ADH1C: variants seen among roughly 807,000 people sequenced by gnomAD.
ADH1C encodes alcohol dehydrogenase 1C.
In ADH1C, 26 loss-of-function variants were observed where a neutral mutation model predicts 35.0. The observed-to-expected ratio is 0.74, with a 90% CI of 0.54 to 1.03. The LOEUF is 1.03. Among genes scored for constraint, ADH1C ranks in the 50% least tolerant of loss-of-function variants. ADH1C has a pLI of 0.00. For synonymous variants in ADH1C, 170 were observed against 169.3 expected, an observed-to-expected ratio of 1.00 and a Z score of -0.03; for missense variants, 413 against 465.4, an observed-to-expected ratio of 0.89 and a Z score of 1.04.
intron 3 of ADH1C, among the ~76,000 whole-genome samples, chr4:99,346,790 C>T (rs965801550): frequency 2.0e-5 from 3 of 151,994 alleles, no homozygotes; most frequent in African/African-American, 4.8e-5. Context: ...TCTAGTAGTA[C>T]ATAATGGTTG....
At position 99,342,749 on chromosome 4, in the gene ADH1C, T is replaced by A. The variant is rs191149324; in HGVS notation, c.828+46A>T. On this transcript the variant is annotated intron_variant, in intron 6 of 8. Coordinates refer to ENST00000515683, the MANE Select transcript of ADH1C (RefSeq NM_000669.5). The stretch of plus-strand genomic sequence containing the variant: ...TATATTCTACTGCCTAAATGCATCC[T>A]CCAGGTTGCAGAGGCAGAAATTTCA... 3.7e-6 allele frequency: 6 copies of A among 1,612,866 alleles called. No homozygotes were observed. The Admixed American group carries it at 8.3e-5, about 22-fold the overall frequency.
At chr4:99,346,694 G>A (rs951793339) in intron 3 of ADH1C, among the ~76,000 whole-genome samples, 3 of 152,202 alleles carry the variant, frequency 2.0e-5, no homozygotes, top group African/African-American at 7.2e-5. Context: ...TAACGTGGAA[G>A]TTACTAGATT....
chr4:99,338,430 T>TATATATATAC (rs1560535494), intron 8 of ADH1C, among the ~76,000 whole-genome samples: 28 of 80,680 alleles, frequency 3.5e-4, no homozygotes, highest in Non-Finnish European at 5.6e-4. Context: ...TATATATATA[T>TATATATATAC]ATATATATAT....
chr4:99,337,357 A>G (rs1170651339), intron 8 of ADH1C, among the ~76,000 whole-genome samples: 4 of 152,082 alleles, frequency 2.6e-5, no homozygotes, highest in African/African-American at 9.7e-5. Context: ...AAGAACTGAT[A>G]ATTTAATAAA....
rs1734505274 is a variant in ADH1C, at chr4:99,345,246, A to C, written c.280T>G (p.Phe94Val). The C allele has an allele frequency of 6.2e-7, 1 of 1,613,906 alleles. No homozygotes were observed. The highest frequency in any genetic ancestry group is 1.3e-5 in the African/African-American group (1 of 74,946). ...CTGCATTTTCCACACTGAGGAGTAA[A>C]GAGCGGGATGACTTTATCACCTGCA... is the stretch of plus-strand genomic sequence containing the variant. ...VKPGDKVIPL[F>V]TPQCGKCRIC... Residue 94 changes from phenylalanine (F) to valine (V), a missense_variant, in exon 4 of 9, where the codon TTT becomes GTT. By Grantham distance (50) the Phe-to-Val change is conservative. Coordinates refer to ENST00000515683, the MANE Select transcript of ADH1C (RefSeq NM_000669.5).
rs571261376 is a variant in ADH1C at position 99,344,760 on chromosome 4, C to T, written c.567+102G>A. 3.1e-4 allele frequency: 460 copies of T among 1,486,824 alleles called. 1 individual carries two copies. The highest frequency in any genetic ancestry group is 4.9e-5 in the Non-Finnish European group (53 of 1,084,176). 92.1% of individuals were successfully genotyped at this position (1,486,824 alleles called of 1,614,324 possible). On this transcript the variant is annotated intron_variant, in intron 5 of 8. Coordinates refer to ENST00000515683, the MANE Select transcript of ADH1C (RefSeq NM_000669.5). ...ATTTTTCTACTCTTAATCGACACTTCAAATCTACAAAAATAATTTCTGATT... is the reference window on the plus strand; with the variant it reads ...ATTTTTCTACTCTTAATCGACACTTTAAATCTACAAAAATAATTTCTGATT...
chr4:99,336,880 G>A, intron 8 of ADH1C, 104 bp from the exon 9 acceptor site: 5 of 1,510,964 alleles, frequency 3.3e-6, no homozygotes, highest in Non-Finnish European at 4.6e-6. Context: ...AAATCTCTCT[G>A]TGTTCTCAGC....
chr4:99,352,454 G>C (rs1228017321), intron 1 of ADH1C, among the ~76,000 whole-genome samples: 2 of 151,952 alleles, frequency 1.3e-5, no homozygotes, highest in African/African-American at 2.4e-5. Context: ...TTCCACTGTA[G>C]TTCAGTATAC....
chr4:99,352,439 C>T (rs1408977029), intron 1 of ADH1C, among the ~76,000 whole-genome samples: 1 of 152,016 alleles, frequency 6.6e-6, no homozygotes, highest in Non-Finnish European at 1.5e-5. Flanking sequence ...TTAGGAATAG[C>T]TTATTTCCAC....
intron 1 of ADH1C, among the ~76,000 whole-genome samples, 197 bp downstream of exon 1, chr4:99,352,461 A>G (rs1055746264): frequency 3.3e-5 from 5 of 152,208 alleles, no homozygotes; most frequent in African/African-American, 7.2e-5. Flanking sequence ...GTAGTTCAGT[A>G]TACATTACAT....
intron 6 of ADH1C, among the ~76,000 whole-genome samples, chr4:99,342,346 A>G (rs1337290053): frequency 3.3e-5 from 5 of 152,218 alleles, no homozygotes; most frequent in Non-Finnish European, 4.4e-5. Flanking sequence ...AGTTGGTCTA[A>G]AATTGCTCAT....
Position 99,340,687 on chromosome 4 carries a change from A to G in ADH1C, c.852T>C (p.His284=), listed in dbSNP as rs772635561. 1 of 1,612,898 alleles carries G rather than the reference A, an allele frequency of 6.2e-7. No individual in the cohort carries two copies. Among genetic ancestry groups the G allele is most frequent in the African/African-American group, 1.3e-5 (1 of 75,030 alleles). Residue 284 remains histidine, a synonymous_variant, in exon 7 of 9, where the codon CAT becomes CAC. Coordinates refer to ENST00000515683, the MANE Select transcript of ADH1C (RefSeq NM_000669.5). ...CAATGACACTTGTGCCACATGCCTCATGACAACATAACAGGGAAGCCATCT... is the reference window on the plus strand; with the variant it reads ...CAATGACACTTGTGCCACATGCCTCGTGACAACATAACAGGGAAGCCATCT... ...DTMMASLLCC[H]EACGTSVIVG... is the part of the protein sequence containing the mutation.
At chr4:99,344,113 CTT>C in intron 5 of ADH1C, among the ~76,000 whole-genome samples, 1 of 152,272 alleles carries the variant, frequency 6.6e-6, no homozygotes, top group East Asian at 1.9e-4. Flanking sequence ...ATATTTTAGT[CTT>C]AGTGCTCATA....
chr4:99,345,097 C>A lies in ADH1C; in HGVS notation c.348-16G>T. On this transcript the variant is annotated splice_polypyrimidine_tract_variant and intron_variant, in intron 4 of 8. Transcript: ENST00000515683. ...ATTGCCTAGACTGGGCAGTGCAATA[C>A]AAAGACACACAAAGGCATGAGACAG... The A allele has an allele frequency of 6.2e-7, 1 of 1,614,164 alleles. No individual in the cohort carries two copies.
At chr4:99,339,528 C>CAA in intron 8 of ADH1C, 49 bp downstream of exon 8, 1 of 1,139,254 alleles carries the variant, frequency 8.8e-7, no homozygotes, top group Non-Finnish European at 1.2e-6. Context: ...CCCCCCCCCG[C>CAA]CGCTACTGTA....
intron 1 of ADH1C, among the ~76,000 whole-genome samples, chr4:99,351,843 T>A (rs1480032574): frequency 1.3e-5 from 2 of 152,234 alleles, no homozygotes; most frequent in Admixed American, 1.3e-4. Context: ...TATCAATTGA[T>A]TATATTGAAT....
chr4:99,351,472 T>C (rs1051542823), intron 1 of ADH1C, among the ~76,000 whole-genome samples: 2 of 152,240 alleles, frequency 1.3e-5, no homozygotes, highest in African/African-American at 4.8e-5. Flanking sequence ...ATTATTTTCA[T>C]TAATGATTGG....
Position 99,345,250 on chromosome 4 carries a change from C to G in ADH1C, c.276G>C (p.Pro92=). 6.2e-7 allele frequency: 1 copy of G among 1,613,754 alleles called. No individual in the cohort carries two copies. The highest frequency in any genetic ancestry group is 1.1e-5 in the South Asian group (1 of 91,026). ...TTVKPGDKVI[P]LFTPQCGKCR... The stretch of plus-strand genomic sequence containing the variant: ...ATTTTCCACACTGAGGAGTAAAGAG[C>G]GGGATGACTTTATCACCTGCAGAGG... The change falls in exon 4 of 9, where the codon CCG becomes CCC. Residue 92 remains proline (P), a synonymous_variant. Transcript: ENST00000515683.
intron 8 of ADH1C, among the ~76,000 whole-genome samples, chr4:99,338,280 C>A (rs927145031): frequency 1.3e-5 from 2 of 149,318 alleles, no homozygotes; most frequent in African/African-American, 4.9e-5. Context: ...TTTTGTTGCT[C>A]AATAGTGTCT....
Sources: allele counts gnomAD v4.1 joint callset (sites outside exome capture counted in the v4.1 genomes callset), GRCh38; gene constraint gnomAD v4.1.1; transcripts MANE v1.5; gene names NCBI Gene and HGNC (gene_info 2026-07-23, HGNC 2026-07-21).